TET3: variants seen among roughly 807,000 people sequenced by gnomAD.
TET3 encodes the protein tet methylcytosine dioxygenase 3.
TET3 carries 19 observed loss-of-function variants against 141.4 expected under a neutral mutation model. That is an observed-to-expected ratio of 0.13 (90% CI 0.09 to 0.20). TET3 has a LOEUF of 0.20. Among genes scored for constraint, TET3 ranks in the 10% least tolerant of loss-of-function variants. TET3 has a pLI of 1.00. For missense variants in TET3, 1,874 were observed against 2,356.9 expected, an observed-to-expected ratio of 0.80 and a Z score of 4.24; for synonymous variants, 1,043 against 980.9, an observed-to-expected ratio of 1.06 and a Z score of -1.18.
At position 74,100,596 on chromosome 2, in the gene TET3, A is replaced by G; in HGVS notation, c.3808A>G (p.Thr1270Ala). 1 of 1,613,426 alleles carries G rather than the reference A, an allele frequency of 6.2e-7. No homozygotes were observed. The highest frequency in any genetic ancestry group is 8.5e-7 in the Non-Finnish European group (1 of 1,179,740). Reference protein sequence around the residue: ...YHSYYAQPSLTSVNGFHSKYA... With the variant: ...YHSYYAQPSLASVNGFHSKYA... ...CTCCTACTATGCACAGCCCAGCCTG[A>G]CCTCCGTCAATGGCTTCCACTCCAA... is the stretch of plus-strand genomic sequence containing the variant. The change falls in exon 12 of 12, where the codon ACC becomes GCC. Residue 1270 changes from threonine (T) to alanine (A), a missense_variant. By Grantham distance (58) the Thr-to-Ala change is moderately conservative. This residue lies in a region of TET3 where 602 missense variants were observed against 590.2 expected (regional missense o/e 1.02). Coordinates refer to ENST00000409262, the MANE Select transcript of TET3 (RefSeq NM_001287491.2).
At chr2:74,114,874 A>AAAAAAAAAAAAAAAAAAAAT in the TET3 span, among the ~76,000 whole-genome samples, 1 of 149,646 alleles carries the variant, frequency 6.7e-6, no homozygotes, top group African/African-American at 2.5e-5. Context: ...AAAAAAAAAA[A>AAAAAAAAAAAAAAAAAAAAT]GATGCTGGGA....
At position 74,105,417 on chromosome 2, in the gene TET3, A is replaced by G; in HGVS notation, c.*3241A>G. ...AAATCGCTTCGCAGCAGGTTCTCACAAAATAACTGGTGCTAGCTCAAGAAA... is the reference window on the plus strand; with the variant it reads ...AAATCGCTTCGCAGCAGGTTCTCACGAAATAACTGGTGCTAGCTCAAGAAA... On this transcript the variant is annotated 3_prime_UTR_variant, in exon 12 of 12. Coordinates refer to ENST00000409262, the MANE Select transcript of TET3 (RefSeq NM_001287491.2). 2.5e-6 allele frequency: 1 copy of G among 398,608 alleles called. No homozygotes were observed. Among genetic ancestry groups the G allele is most frequent in the Non-Finnish European group, 4.4e-6 (1 of 226,068 alleles). 24.7% of individuals were successfully genotyped at this position (398,608 alleles called of 1,614,324 possible).
chr2:74,085,059 G>GCCTATT (rs1391527343), intron 6 of TET3, among the ~76,000 whole-genome samples: 1 of 152,006 alleles, frequency 6.6e-6, no homozygotes, highest in East Asian at 1.9e-4. Flanking sequence ...TGGTTGTGAT[G>GCCTATT]GTTGCACAGC....
chr2:73,999,806 C>T (rs543396298), intron 2 of TET3, among the ~76,000 whole-genome samples: 10 of 152,184 alleles, frequency 6.6e-5, no homozygotes, highest in African/African-American at 1.2e-4. Flanking sequence ...GAGAGCATAC[C>T]GGCTGGAGGC....
chr2:74,015,509 A>G (rs1214216155), intron 3 of TET3, among the ~76,000 whole-genome samples: 1 of 152,178 alleles, frequency 6.6e-6, no homozygotes, highest in Non-Finnish European at 1.5e-5. Context: ...ATTTTTGAGT[A>G]GTCTTTTATT....
intron 3 of TET3, among the ~76,000 whole-genome samples, chr2:74,016,819 A>C (rs1240132828): frequency 1.7e-4 from 23 of 131,686 alleles, no homozygotes; most frequent in Non-Finnish European, 3.5e-4. Flanking sequence ...TTTACTATTT[A>C]ATTGACACAT....
At chr2:74,081,626 CA>C (rs1241927562) in intron 6 of TET3, among the ~76,000 whole-genome samples, 10 of 152,300 alleles carry the variant, frequency 6.6e-5, no homozygotes, top group Admixed American at 4.6e-4. Flanking sequence ...GCTGGGTGGA[CA>C]GACCCGTGGC....
chr2:74,090,958 C>T lies in TET3; in HGVS notation c.3039+911C>T, dbSNP rs374829152. Among the ~76,000 whole-genome samples, 36 of 152,264 alleles carry T rather than the reference C, an allele frequency of 2.4e-4. No individual in the cohort carries two copies. The South Asian group carries it at 7.3e-3, about 31-fold the overall frequency. ...CAACCTTCCAAATCTCTCCAAGCTC[C>T]TAGTACCAGAAGGGCTTCCCACTTC... On this transcript the variant is annotated intron_variant, in intron 8 of 11. Transcript: ENST00000409262.
rs567421871 is a variant in TET3, at chr2:74,106,286, C to T, written c.*4110C>T. ...TGGCTTGGCAGGTGCTTTTTGGTTC[C>T]ACACCTGTCTTCTCAGGCTTGATGT... On this transcript the variant is annotated 3_prime_UTR_variant, in exon 12 of 12. Coordinates refer to ENST00000409262, the MANE Select transcript of TET3 (RefSeq NM_001287491.2). 2.0e-5 allele frequency: 3 copies of T among 152,334 alleles called. No individual in the cohort carries two copies. The highest frequency in any genetic ancestry group is 2.9e-5 in the Non-Finnish European group (2 of 68,048). 9.4% of individuals were successfully genotyped at this position (152,334 alleles called of 1,614,324 possible). A position where few individuals can be genotyped will look rare whatever the true frequency, so the allele number is the denominator to read the frequency against.
chr2:74,108,805 G>A (rs757123844), downstream of TET3, among the ~76,000 whole-genome samples: 6 of 152,188 alleles, frequency 3.9e-5, no homozygotes, highest in Non-Finnish European at 7.3e-5. Flanking sequence ...TTGATCCAGT[G>A]TCTTTGAGGG....
At chr2:74,060,761 C>G (rs1407616223) in intron 4 of TET3, among the ~76,000 whole-genome samples, 1 of 152,204 alleles carries the variant, frequency 6.6e-6, no homozygotes, top group Non-Finnish European at 1.5e-5. Context: ...ATCTGTTTAA[C>G]AAAGCACATC....
Position 74,046,091 on chromosome 2 carries a change from C to T in TET3, c.361-187C>T, listed in dbSNP as rs190044999. Reference sequence around the variant, plus strand: ...TATCTTAAAGATCTTCTTTTTGTTTCTGCTGGTGAAGCTCCCTAGGGAACC... The same window carrying T: ...TATCTTAAAGATCTTCTTTTTGTTTTTGCTGGTGAAGCTCCCTAGGGAACC... On this transcript the variant is annotated intron_variant, in intron 3 of 11. Coordinates refer to ENST00000409262, the MANE Select transcript of TET3 (RefSeq NM_001287491.2). This position sits in a 1 kb window ranked among gnomAD's most constrained non-coding sequence, Gnocchi z 4.3. Among the ~76,000 whole-genome samples, 1 of 152,280 alleles carries T rather than the reference C, an allele frequency of 6.6e-6. No homozygotes were observed. The highest frequency in any genetic ancestry group is 6.5e-5 in the Admixed American group (1 of 15,304).
At chr2:74,042,741 C>T (rs960581409) in intron 3 of TET3, among the ~76,000 whole-genome samples, 8 of 152,214 alleles carry the variant, frequency 5.3e-5, no homozygotes, top group African/African-American at 1.4e-4. Context: ...TTGGGAAGGA[C>T]GCTTCTCCTT....
chr2:74,005,959 TTCAAGGC>T (rs1685131474), intron 3 of TET3, among the ~76,000 whole-genome samples: 1 of 152,054 alleles, frequency 6.6e-6, no homozygotes, highest in Non-Finnish European at 1.5e-5. Flanking sequence ...CCGCCCTGCT[TTCAAGGC>T]TCCCACACGG....
At chr2:74,012,452 GT>G (rs959644790) in intron 3 of TET3, among the ~76,000 whole-genome samples, 20 of 152,350 alleles carry the variant, frequency 1.3e-4, no homozygotes, top group African/African-American at 3.6e-4. Flanking sequence ...CAGGGGTAAA[GT>G]TTTCATAGTT....
chr2:74,076,261 T>A lies in TET3; in HGVS notation c.2585+2622T>A, dbSNP rs72818003. ...TTCCTCTCAAGACCAGGAATACTTG[T>A]GTTTTTCCTTAGCAACTGGTTTATT... is the stretch of plus-strand genomic sequence containing the variant. On this transcript the variant is annotated intron_variant, in intron 5 of 11. Transcript: ENST00000409262. 1.9e-3 allele frequency among the ~76,000 whole-genome samples: 291 copies of A among 152,242 alleles called. 1 individual carries two copies. The highest frequency in any genetic ancestry group is 3.1e-3 in the Non-Finnish European group (211 of 68,014).
At position 74,102,182 on chromosome 2, in the gene TET3, A is replaced by T. The variant is rs1572908562; in HGVS notation, c.*6A>T. 2.8e-6 allele frequency: 4 copies of T among 1,434,758 alleles called. No individual in the cohort carries two copies. Among genetic ancestry groups the T allele is most frequent in the Non-Finnish European group, 3.7e-6 (4 of 1,091,582 alleles). The allele number at this position is 1,434,758 out of a possible 1,614,324, so 88.9% of individuals were successfully genotyped here. A position where few individuals can be genotyped will look rare whatever the true frequency, so the allele number is the denominator to read the frequency against. ...CCTACAGCCGCTGGATCTAGGTGCC[A>T]GGGAGCCAGCGTACCTCAGCGTCGG... is the stretch of plus-strand genomic sequence containing the variant. On this transcript the variant is annotated 3_prime_UTR_variant, in exon 12 of 12. Coordinates refer to ENST00000409262, the MANE Select transcript of TET3 (RefSeq NM_001287491.2).
intron 3 of TET3, among the ~76,000 whole-genome samples, chr2:74,009,473 G>A (rs967921695): frequency 6.6e-6 from 1 of 152,226 alleles, no homozygotes; most frequent in African/African-American, 2.4e-5. Context: ...GCTGGACCCA[G>A]AGAGAGGAAA....
chr2:74,062,291 A>G (rs1159962736), intron 4 of TET3, among the ~76,000 whole-genome samples: 1 of 152,272 alleles, frequency 6.6e-6, no homozygotes, highest in African/African-American at 2.4e-5. Flanking sequence ...TAAATATGCA[A>G]GAACTCAAAT....
Sources: gnomAD v4.1 joint callset for allele counts (sites outside exome capture counted in the v4.1 genomes callset) on GRCh38, gnomAD v4.1.1 for gene constraint, gnomAD v4.1.1 regional missense constraint, Gnocchi (gnomAD v3.1) non-coding constraint, MANE v1.5 for transcripts, NCBI Gene and HGNC (gene_info 2026-07-23, HGNC 2026-07-21) for gene names.